SHISA9: variants seen among roughly 807,000 people sequenced by gnomAD.
SHISA9 encodes shisa family member 9, also known as protein shisa-9.
Under a neutral mutation model 38.0 loss-of-function variants are expected in SHISA9, and 13 were observed. That is an observed-to-expected ratio of 0.34 (90% CI 0.22 to 0.54). The LOEUF (loss-of-function observed/expected upper bound fraction) is 0.54. Among genes scored for constraint, SHISA9 ranks in the 20% least tolerant of loss-of-function variants. The probability of loss-of-function intolerance (pLI) is 0.91; values close to 1 mark genes in which losing one functional copy is unlikely to be tolerated. For synonymous variants in SHISA9, 275 were observed against 242.0 expected (o/e 1.14, Z -1.27); for missense variants, 538 against 575.8 (o/e 0.93, Z 0.67).
At chr16:13,109,698 C>A (rs904182481) in intron 2 of SHISA9, among the ~76,000 whole-genome samples, 1 of 152,094 alleles carries the variant, frequency 6.6e-6, no homozygotes, top group African/African-American at 2.4e-5. Context: ...CCTCAGGTAA[C>A]CACTAATTGA....
intron 2 of SHISA9, among the ~76,000 whole-genome samples, chr16:13,165,833 G>A (rs1402712326): frequency 6.6e-6 from 1 of 152,126 alleles, no homozygotes; most frequent in African/African-American, 2.4e-5. Flanking sequence ...AATGTTAATG[G>A]ACACTGTTCC....
At chr16:13,096,439 G>C (rs537251775) in intron 2 of SHISA9, among the ~76,000 whole-genome samples, 19 of 152,314 alleles carry the variant, frequency 1.2e-4, no homozygotes, top group Middle Eastern at 6.8e-3. Context: ...TTAAATGTAG[G>C]CTCTTGTGGG....
intron 2 of SHISA9, among the ~76,000 whole-genome samples, chr16:13,020,003 CCTTCCT>C (rs1189920658): frequency 1.4e-4 from 19 of 133,970 alleles, no homozygotes; most frequent in African/African-American, 5.3e-4. Context: ...TTCCTTCCTT[CCTTCCT>C]TCCCTCCTTC....
chr16:13,367,121 G>C, the SHISA9 span, among the ~76,000 whole-genome samples: 1 of 151,492 alleles, frequency 6.6e-6, no homozygotes, highest in Non-Finnish European at 1.5e-5. Flanking sequence ...GTTTCAATTA[G>C]CAAAACTTAA....
chr16:13,455,727 A>G, the SHISA9 span, among the ~76,000 whole-genome samples: 1 of 152,166 alleles, frequency 6.6e-6, no homozygotes, highest in South Asian at 2.1e-4. Flanking sequence ...TGCATCTGCA[A>G]TTACCCCTCA....
At chr16:13,205,831 G>T (rs549184290) in intron 3 of SHISA9, among the ~76,000 whole-genome samples, 4 of 152,034 alleles carry the variant, frequency 2.6e-5, no homozygotes, top group African/African-American at 9.6e-5. Flanking sequence ...GCACGATATC[G>T]GTTCACTGCA....
intron 2 of SHISA9, among the ~76,000 whole-genome samples, chr16:13,075,389 C>G (rs985084522): frequency 2.6e-5 from 4 of 152,106 alleles, no homozygotes; most frequent in Non-Finnish European, 5.9e-5. Flanking sequence ...CCCTGAGCCC[C>G]GAAGCCAAGG....
At chr16:13,078,196 AC>A (rs1031369786) in intron 2 of SHISA9, among the ~76,000 whole-genome samples, 1 of 152,074 alleles carries the variant, frequency 6.6e-6, no homozygotes, top group African/African-American at 2.4e-5. Flanking sequence ...TGGTTCCAGG[AC>A]CCCCCAAGGA....
intron 2 of SHISA9, among the ~76,000 whole-genome samples, chr16:12,999,628 TA>T (rs2072499726): frequency 1.3e-5 from 2 of 152,202 alleles, no homozygotes; most frequent in African/African-American, 4.8e-5. Flanking sequence ...TACCTTGACC[TA>T]GCAGGTTGCA....
At chr16:13,512,896 T>G in the SHISA9 span, among the ~76,000 whole-genome samples, 3 of 151,814 alleles carry the variant, frequency 2.0e-5, no homozygotes, top group Non-Finnish European at 4.4e-5. Context: ...AACCCAAAAC[T>G]ATAAAAACCC....
rs371136666 is a variant in SHISA9 at position 13,014,083 on chromosome 16, C to T, written c.691+97268C>T. ...TATTTAGGAACTGTGTCAGGAGGTG[C>T]ACCTGCCTCATAAGAACTCAGTGAG... is the stretch of plus-strand genomic sequence containing the variant. On this transcript the variant is annotated intron_variant, in intron 2 of 4. Coordinates refer to ENST00000558583, the MANE Select transcript of SHISA9 (RefSeq NM_001145204.3). Among the ~76,000 whole-genome samples, 13 of 152,310 alleles carry T rather than the reference C, an allele frequency of 8.5e-5. No homozygotes were observed. In the South Asian group the frequency reaches 1.4e-3, roughly 17 times the overall value.
At chr16:13,495,467 G>T in the SHISA9 span, among the ~76,000 whole-genome samples, 4 of 151,982 alleles carry the variant, frequency 2.6e-5, no homozygotes, top group Non-Finnish European at 5.9e-5. Flanking sequence ...TATAAAGAAA[G>T]AAATCCAAAT....
At chr16:13,041,120 C>T (rs1312762649) in intron 2 of SHISA9, among the ~76,000 whole-genome samples, 1 of 152,160 alleles carries the variant, frequency 6.6e-6, no homozygotes, top group African/African-American at 2.4e-5. Flanking sequence ...ATGCATGAAC[C>T]TTCGCCTCCC....
At chr16:13,399,798 G>T in the SHISA9 span, among the ~76,000 whole-genome samples, 1 of 152,190 alleles carries the variant, frequency 6.6e-6, no homozygotes, top group African/African-American at 2.4e-5. Context: ...TCTGGAGTGG[G>T]TCCTGAGAAT....
chr16:13,356,020 T>C, the SHISA9 span, among the ~76,000 whole-genome samples: 51 of 152,332 alleles, frequency 3.3e-4, no homozygotes, highest in African/African-American at 1.2e-3. Context: ...GCCAGATTTC[T>C]GGCACGTGTA....
At chr16:13,387,117 A>T in the SHISA9 span, among the ~76,000 whole-genome samples, 1 of 152,196 alleles carries the variant, frequency 6.6e-6, no homozygotes, top group Non-Finnish European at 1.5e-5. Flanking sequence ...TATAAAATTC[A>T]TCCATTTCTG....
the SHISA9 span, among the ~76,000 whole-genome samples, chr16:13,393,566 T>A: frequency 6.6e-6 from 1 of 152,228 alleles, no homozygotes; most frequent in South Asian, 2.1e-4. Flanking sequence ...ACGGGCACTG[T>A]GTCAGCCATC....
chr16:12,913,060 TAAAAAA>T (rs57070970), intron 1 of SHISA9, among the ~76,000 whole-genome samples: 3 of 151,186 alleles, frequency 2.0e-5, no homozygotes, highest in Non-Finnish European at 4.4e-5. Flanking sequence ...ATTTGTAACT[TAAAAAA>T]AAAGTATACA....
the SHISA9 span, among the ~76,000 whole-genome samples, chr16:13,559,354 AT>A: frequency 0.16 from 24,182 of 148,262 alleles, 2,366 homozygotes; most frequent in Non-Finnish European, 0.22. Flanking sequence ...GCAAGCATGG[AT>A]TTTTTTTTTC....
Sources: allele counts gnomAD v4.1 joint callset (sites outside exome capture counted in the v4.1 genomes callset), GRCh38; gene constraint gnomAD v4.1.1; transcripts MANE v1.5; gene names NCBI Gene and HGNC (gene_info 2026-07-23, HGNC 2026-07-21).